CREB5: variants seen among roughly 807,000 people sequenced by gnomAD.
CREB5 encodes the protein cyclic AMP-responsive element-binding protein 5.
CREB5 carries 19 observed loss-of-function variants against 57.1 expected under a neutral mutation model. The observed-to-expected ratio is 0.33, with a 90% CI of 0.23 to 0.49. CREB5 has a LOEUF of 0.49. CREB5 is among the 20% of genes least tolerant of loss of function. The pLI is 0.99. For missense variants in CREB5, 579 were observed against 671.6 expected (o/e 0.86, Z 1.52); for synonymous variants, 238 against 238.3 (o/e 1.00, Z 0.01).
rs1272857149 is a variant in CREB5, at chr7:28,695,091, G to T, written c.465-23662G>T. 2.0e-5 allele frequency among the ~76,000 whole-genome samples: 3 copies of T among 152,144 alleles called. No homozygotes were observed. The East Asian group carries it at 5.8e-4, about 29-fold the overall frequency. ...AAAATTAAAAAATTAGCCGGGCATGGTATCATGCACCTGTGGTCCCAGCCA... is the reference window on the plus strand; with the variant it reads ...AAAATTAAAAAATTAGCCGGGCATGTTATCATGCACCTGTGGTCCCAGCCA... On this transcript the variant is annotated intron_variant, in intron 5 of 10. Transcript: ENST00000357727.
intron 7 of CREB5, among the ~76,000 whole-genome samples, chr7:28,795,465 G>A (rs1409291745): frequency 6.6e-6 from 1 of 152,184 alleles, no homozygotes; most frequent in Non-Finnish European, 1.5e-5. Flanking sequence ...GTAAGAAAAG[G>A]AGGGTACCAG....
At chr7:28,811,376 G>T (rs1809111500) in intron 9 of CREB5, among the ~76,000 whole-genome samples, 1 of 152,076 alleles carries the variant, frequency 6.6e-6, no homozygotes, top group African/African-American at 2.4e-5. Context: ...AAAACTTTTA[G>T]GTAGAATGTG....
intron 4 of CREB5, among the ~76,000 whole-genome samples, chr7:28,526,169 T>C (rs1008002309): frequency 2.0e-5 from 3 of 152,090 alleles, no homozygotes; most frequent in African/African-American, 7.2e-5. Flanking sequence ...AACTCAGAGG[T>C]GGGTTAGTGT....
At chr7:28,674,842 C>T (rs1315428536) in intron 5 of CREB5, among the ~76,000 whole-genome samples, 1 of 152,228 alleles carries the variant, frequency 6.6e-6, no homozygotes, top group South Asian at 2.1e-4. Flanking sequence ...ATGCTAGTCC[C>T]TTCTTTAGAC....
At chr7:28,485,024 G>A (rs544483468) in intron 1 of CREB5, among the ~76,000 whole-genome samples, 7 of 152,256 alleles carry the variant, frequency 4.6e-5, no homozygotes, top group African/African-American at 9.6e-5. Context: ...TGTTGATATC[G>A]GACAGAATTG....
chr7:28,716,018 CTATT>C (rs1277085634), intron 5 of CREB5, among the ~76,000 whole-genome samples: 1 of 152,154 alleles, frequency 6.6e-6, no homozygotes, highest in Admixed American at 6.5e-5. Flanking sequence ...CATTCCCAAA[CTATT>C]TATATAACTG....
chr7:28,754,927 T>A (rs1047921484), intron 7 of CREB5, among the ~76,000 whole-genome samples: 1 of 152,186 alleles, frequency 6.6e-6, no homozygotes, highest in Non-Finnish European at 1.5e-5. Flanking sequence ...TTAAAATCTT[T>A]CCTGGAAAAC....
Position 28,801,072 on chromosome 7 carries a change from T to C in CREB5, c.703-3127T>C, listed in dbSNP as rs191228491. On this transcript the variant is annotated intron_variant, in intron 7 of 10. Transcript: ENST00000357727. The stretch of plus-strand genomic sequence containing the variant: ...TGTACTTAGTTAATGTTAGCCATTA[T>C]TATTACCTATTTTTGCAGATATAGA... Among the ~76,000 whole-genome samples, 20 of 152,356 alleles carry C rather than the reference T, an allele frequency of 1.3e-4. No individual in the cohort carries two copies. The East Asian group carries it at 3.9e-3, about 29-fold the overall frequency.
intron 1 of CREB5, among the ~76,000 whole-genome samples, chr7:28,403,092 C>G (rs1393033593): frequency 6.6e-6 from 1 of 152,144 alleles, no homozygotes; most frequent in Non-Finnish European, 1.5e-5. Flanking sequence ...ATTTGTATGT[C>G]AAGACTGGAA....
At chr7:28,331,848 C>CAAAA (rs145837781) in intron 1 of CREB5, among the ~76,000 whole-genome samples, 2 of 75,606 alleles carry the variant, frequency 2.6e-5, no homozygotes, top group African/African-American at 5.4e-5. Context: ...AACTCCATCT[C>CAAAA]AAAAAAAAAA....
intron 1 of CREB5, among the ~76,000 whole-genome samples, chr7:28,326,828 C>T (rs1467538453): frequency 3.3e-5 from 5 of 152,066 alleles, no homozygotes; most frequent in African/African-American, 4.8e-5. Flanking sequence ...CCTAGGTAGA[C>T]GTAGGTGGAT....
At chr7:28,611,489 TAAAA>T (rs59192497) in intron 5 of CREB5, among the ~76,000 whole-genome samples, 2 of 47,982 alleles carry the variant, frequency 4.2e-5, no homozygotes, top group East Asian at 7.3e-4. Flanking sequence ...CCATCTCTAC[TAAAA>T]AAAAAAAAAA....
At chr7:28,570,189 T>C (rs1224316934) in intron 4 of CREB5, among the ~76,000 whole-genome samples, 176 bp from the exon 5 acceptor site, 1 of 152,200 alleles carries the variant, frequency 6.6e-6, no homozygotes, top group Non-Finnish European at 1.5e-5. Flanking sequence ...GTAGTTATTT[T>C]TCATCTCCTC....
chr7:28,333,128 A>G (rs12673465), intron 1 of CREB5, among the ~76,000 whole-genome samples: 86,060 of 152,038 alleles, frequency 0.57, 24,624 homozygotes, highest in Non-Finnish European at 0.62. Flanking sequence ...AATGCTCCTA[A>G]CTTGTGTTTA....
intron 7 of CREB5, among the ~76,000 whole-genome samples, chr7:28,725,881 A>G (rs940744738): frequency 1.3e-5 from 2 of 152,140 alleles, no homozygotes; most frequent in East Asian, 1.9e-4. Context: ...CTAAAACACA[A>G]TTCCAAACTG....
At chr7:28,561,043 T>A (rs184465091) in intron 4 of CREB5, among the ~76,000 whole-genome samples, 12 of 148,498 alleles carry the variant, frequency 8.1e-5, no homozygotes, top group Non-Finnish European at 8.9e-5. Flanking sequence ...TGTGTGTGTG[T>A]GAAGGTATTT....
chr7:28,417,671 C>T (rs773697440), intron 1 of CREB5, among the ~76,000 whole-genome samples: 1 of 152,148 alleles, frequency 6.6e-6, no homozygotes, highest in Admixed American at 6.6e-5. Context: ...TTGAGAACCA[C>T]GGTTCTAACT....
intron 8 of CREB5, among the ~76,000 whole-genome samples, chr7:28,807,177 G>A (rs540458828): frequency 8.2e-4 from 124 of 152,126 alleles, no homozygotes; most frequent in Non-Finnish European, 1.5e-3. Context: ...GGCCTGGTGC[G>A]GTGGCTCACG....
intron 5 of CREB5, among the ~76,000 whole-genome samples, chr7:28,665,621 T>A (rs558812835): frequency 6.6e-6 from 1 of 152,344 alleles, no homozygotes; most frequent in South Asian, 2.1e-4. Flanking sequence ...TCCATTTTTT[T>A]CTTTTGGTAA....
Sources: allele counts gnomAD v4.1 joint callset (sites outside exome capture counted in the v4.1 genomes callset), GRCh38; gene constraint gnomAD v4.1.1; transcripts MANE v1.5; gene names NCBI Gene and HGNC (gene_info 2026-07-23, HGNC 2026-07-21).